Variants in PPP1R3A observed in about 807,000 individuals in gnomAD.
PPP1R3A encodes the protein RG1.
In PPP1R3A, 29 loss-of-function variants were observed where a neutral mutation model predicts 41.7. The ratio of observed to expected loss-of-function variants is 0.70; its 90% CI spans 0.52 to 0.95. The LOEUF (loss-of-function observed/expected upper bound fraction) is 0.95. Among genes scored for constraint, PPP1R3A ranks in the 40% least tolerant of loss-of-function variants. PPP1R3A has a pLI of 0.00. For missense variants in PPP1R3A, 1,352 were observed against 1,292.4 expected, an observed-to-expected ratio of 1.05 and a Z score of -0.71; for synonymous variants, 485 against 453.4, an observed-to-expected ratio of 1.07 and a Z score of -0.89.
intron 1 of PPP1R3A, among the ~76,000 whole-genome samples, chr7:113,908,705 T>C (rs956522433): frequency 6.6e-6 from 1 of 151,888 alleles, no homozygotes; most frequent in Non-Finnish European, 1.5e-5. Flanking sequence ...GATGTTATTG[T>C]AGCACTATTC....
At chr7:113,885,308 A>G (rs887173280) in intron 1 of PPP1R3A, among the ~76,000 whole-genome samples, 2 of 152,076 alleles carry the variant, frequency 1.3e-5, no homozygotes, top group African/African-American at 4.8e-5. Context: ...CAGCCTCCCA[A>G]AGTGCTAGGA....
chr7:113,878,715 C>T lies in PPP1R3A; in HGVS notation c.2377G>A (p.Val793Ile). 3 of 1,613,358 alleles carry T rather than the reference C, an allele frequency of 1.9e-6. No homozygotes were observed. Among genetic ancestry groups the T allele is most frequent in the Non-Finnish European group, 2.5e-6 (3 of 1,179,612 alleles). Residue 793 changes from valine (V) to isoleucine (I), a missense_variant, in exon 4 of 4, where the codon GTA (valine) becomes ATA (isoleucine). Coordinates refer to ENST00000284601, the MANE Select transcript of PPP1R3A (RefSeq NM_002711.4). ...AAATCATTGTCATAGATTACACCTA[C>T]TGTATCTCGTTGACAAAGGGTATAA... is the stretch of plus-strand genomic sequence containing the variant. ...SHYTLCQRDTVGVIYDNDFEK... is the reference protein window; with the variant it reads ...SHYTLCQRDTIGVIYDNDFEK...
At chr7:113,882,923 T>C (rs1472555289) in intron 1 of PPP1R3A, among the ~76,000 whole-genome samples, 1 of 152,056 alleles carries the variant, frequency 6.6e-6, no homozygotes, top group Non-Finnish European at 1.5e-5. Flanking sequence ...TTTATATATG[T>C]ATTGCCACAG....
rs775908707 is a variant in PPP1R3A at position 113,879,718 on chromosome 7, TGAAGAGGG to T, written c.1366_1373del (p.Pro456ArgfsTer9). 16 of 1,613,170 alleles carry T rather than the reference TGAAGAGGG, an allele frequency of 9.9e-6. No individual in the cohort carries two copies. In the South Asian group the frequency reaches 1.8e-4, roughly 18 times the overall value. ...TAAGGTTTCCTGCCATTAGTTGATC[TGAAGAGGG>T]GCAAGGTATTTGCACTGTGCCATTG... is the stretch of plus-strand genomic sequence containing the variant. On this transcript the variant is annotated frameshift_variant, in exon 4 of 4. Transcript: ENST00000284601. LOFTEE classifies it low-confidence loss of function (END_TRUNC).
chr7:113,878,863 G>C lies in PPP1R3A; in HGVS notation c.2229C>G (p.Ser743Arg), dbSNP rs1488851668. 6.2e-7 allele frequency: 1 copy of C among 1,613,016 alleles called. No individual in the cohort carries two copies. Among genetic ancestry groups the C allele is most frequent in the Admixed American group, 1.7e-5 (1 of 59,874 alleles). The stretch of plus-strand genomic sequence containing the variant: ...TTATTGCTTTTTCTCTAGCAGACAT[G>C]CTTTCTGGAGTACTTTCTGATGTTG... ...IKTTSESTPE[S>R]MSAREKAIIA... The change falls in exon 4 of 4, where the codon AGC becomes AGG. Residue 743 changes from serine to arginine, a missense_variant. Ser to Arg is a moderately radical substitution (Grantham distance 110, BLOSUM62 -1). Transcript: ENST00000284601.
At chr7:113,880,882 T>C (rs999104663) in intron 3 of PPP1R3A, among the ~76,000 whole-genome samples, 1 of 152,080 alleles carries the variant, frequency 6.6e-6, no homozygotes, top group African/African-American at 2.4e-5. Flanking sequence ...TATTTCCATC[T>C]ATTATAGAGC....
intron 1 of PPP1R3A, among the ~76,000 whole-genome samples, chr7:113,885,704 CAATAT>C (rs2129115186): frequency 6.6e-6 from 1 of 150,498 alleles, no homozygotes; most frequent in Admixed American, 6.6e-5. Context: ...TAAATCTTAG[CAATAT>C]AATATTAAAT....
Position 113,879,903 on chromosome 7 carries a change from C to T in PPP1R3A, c.1189G>A (p.Gly397Arg), listed in dbSNP as rs199947594. ...GAAGGTTGATGTGTACAGTCATCTC[C>T]TGAGGAATATTTTTCATTGCAGTAA... Reference protein sequence around the residue: ...DFYCNEKYSSGDDCTHQPSEE... With the variant: ...DFYCNEKYSSRDDCTHQPSEE... Residue 397 changes from glycine to arginine, a missense_variant, in exon 4 of 4, where the codon GGA becomes AGA. Coordinates refer to ENST00000284601, the MANE Select transcript of PPP1R3A (RefSeq NM_002711.4). 29 of 1,613,496 alleles carry T rather than the reference C, an allele frequency of 1.8e-5. No individual in the cohort carries two copies. The East Asian group carries it at 6.2e-4, about 35-fold the overall frequency.
In PPP1R3A at chr7:113,886,387, GCT is replaced by G; in HGVS notation, c.783-4069_783-4068del. On this transcript the variant is annotated intron_variant, in intron 1 of 3. Transcript: ENST00000284601. ...TAAAAACAGAAGTTTCCCTGCACAA[GCT>G]CTCTCTTTGCCTGCTGCCACCCATG... is the stretch of plus-strand genomic sequence containing the variant. Among the ~76,000 whole-genome samples the G allele has an allele frequency of 2.0e-5, 3 of 152,182 alleles. No homozygotes were observed. In the East Asian group the frequency reaches 5.8e-4, roughly 30 times the overall value.
chr7:113,900,377 G>A (rs962551379), intron 1 of PPP1R3A, among the ~76,000 whole-genome samples: 2 of 151,614 alleles, frequency 1.3e-5, no homozygotes, highest in Non-Finnish European at 3.0e-5. Context: ...AATGCTGATA[G>A]TTTAATGTGT....
rs1422430107 is a variant in PPP1R3A at position 113,885,565 on chromosome 7, C to T, written c.783-3245G>A. Among the ~76,000 whole-genome samples the T allele has an allele frequency of 2.0e-5, 3 of 152,040 alleles. No homozygotes were observed. In the South Asian group the frequency reaches 6.2e-4, roughly 32 times the overall value. On this transcript the variant is annotated intron_variant, in intron 1 of 3. Coordinates refer to ENST00000284601, the MANE Select transcript of PPP1R3A (RefSeq NM_002711.4). The stretch of plus-strand genomic sequence containing the variant: ...TTGTTAACTGGAATGTCCATAGTGT[C>T]ATTGTTAGCTATATAAGTCTTGAAT...
At chr7:113,888,198 T>C (rs1796819172) in intron 1 of PPP1R3A, among the ~76,000 whole-genome samples, 2 of 152,118 alleles carry the variant, frequency 1.3e-5, no homozygotes, top group African/African-American at 4.8e-5. Flanking sequence ...ATTATTTAGG[T>C]ACTTTTTAAC....
chr7:113,899,436 GCTTATC>G (rs1797029075), intron 1 of PPP1R3A, among the ~76,000 whole-genome samples: 1 of 151,620 alleles, frequency 6.6e-6, no homozygotes, highest in African/African-American at 2.4e-5. Context: ...AATATATAAA[GCTTATC>G]CTTTGTATCT....
chr7:113,884,498 T>C (rs1796747150), intron 1 of PPP1R3A, among the ~76,000 whole-genome samples: 1 of 152,008 alleles, frequency 6.6e-6, no homozygotes, highest in African/African-American at 2.4e-5. Flanking sequence ...ATGACTAACA[T>C]AGCATGTCAG....
At chr7:113,889,655 C>T (rs887583009) in intron 1 of PPP1R3A, among the ~76,000 whole-genome samples, 5 of 151,970 alleles carry the variant, frequency 3.3e-5, no homozygotes, top group African/African-American at 9.7e-5. Context: ...TTTTATGTGA[C>T]GACTTCTAGT....
chr7:113,903,340 T>C (rs560742884), intron 1 of PPP1R3A, among the ~76,000 whole-genome samples: 124 of 151,892 alleles, frequency 8.2e-4, no homozygotes, highest in Middle Eastern at 6.8e-3. Flanking sequence ...TGCTTATTTA[T>C]ATAAAAAATG....
intron 1 of PPP1R3A, among the ~76,000 whole-genome samples, chr7:113,901,957 T>G (rs935878368): frequency 1.3e-5 from 2 of 151,904 alleles, no homozygotes; most frequent in African/African-American, 4.8e-5. Flanking sequence ...TTTTTAAGTT[T>G]ATAACTGAAG....
rs2974942 is a variant in PPP1R3A at position 113,879,741 on chromosome 7, C to T, written c.1351G>A (p.Val451Met). 1,604,831 of 1,613,292 alleles carry T rather than the reference C, an allele frequency of 0.99. 798,473 individuals are homozygous for T. The highest frequency in any genetic ancestry group is 1 in the East Asian group (44,813 of 44,814). Reference protein sequence around the residue: ...NANPAHGNGTVQIPCPSSDQL... With the variant: ...NANPAHGNGTMQIPCPSSDQL... ...TCTGAAGAGGGGCAAGGTATTTGCA[C>T]TGTGCCATTGCCATGGGCTGGATTA... The change falls in exon 4 of 4, where the codon GTG (valine) becomes ATG (methionine). Residue 451 changes from valine to methionine, a missense_variant. By Grantham distance (21) the Val-to-Met change is conservative (BLOSUM62 1). Transcript: ENST00000284601.
At chr7:113,907,114 T>A (rs1319342635) in intron 1 of PPP1R3A, among the ~76,000 whole-genome samples, 1 of 151,818 alleles carries the variant, frequency 6.6e-6, no homozygotes, top group South Asian at 2.1e-4. Context: ...TCTAAAAACA[T>A]CCTTTTGGCT....
Sources: allele counts gnomAD v4.1 joint callset (sites outside exome capture counted in the v4.1 genomes callset), GRCh38; gene constraint gnomAD v4.1.1; transcripts MANE v1.5; gene names NCBI Gene and HGNC (gene_info 2026-07-23, HGNC 2026-07-21).